The following ICA1 variants were observed in gnomAD, a reference collection of about 807,000 sequenced individuals.
ICA1 encodes islet cell autoantigen 1, also known as 69 kDa islet cell autoantigen.
In ICA1, 40 loss-of-function variants were observed where a neutral mutation model predicts 71.0. That is an observed-to-expected ratio of 0.56 (90% CI 0.44 to 0.73). The LOEUF (loss-of-function observed/expected upper bound fraction) is 0.73, where lower values mean the gene tolerates loss of function less well. Among genes scored for constraint, ICA1 ranks in the 30% least tolerant of loss-of-function variants. The pLI is 0.00. For missense variants in ICA1, 578 were observed against 576.5 expected (o/e 1.00, Z -0.03); for synonymous variants, 207 against 209.5 (o/e 0.99, Z 0.10).
At chr7:8,186,919 T>C (rs1784094587) in intron 6 of ICA1, among the ~76,000 whole-genome samples, 1 of 152,254 alleles carries the variant, frequency 6.6e-6, no homozygotes, top group African/African-American at 2.4e-5. Flanking sequence ...CAGGCTATTA[T>C]CTTGTTTTGC....
At chr7:8,114,434 T>C (rs1784142693) in intron 13 of ICA1, among the ~76,000 whole-genome samples, 1 of 152,232 alleles carries the variant, frequency 6.6e-6, no homozygotes, top group African/African-American at 2.4e-5. Flanking sequence ...CACTGTCTGC[T>C]GGAGGAATCT....
intron 8 of ICA1, among the ~76,000 whole-genome samples, chr7:8,148,758 G>GA (rs1200193265): frequency 6.6e-6 from 1 of 151,902 alleles, no homozygotes; most frequent in Non-Finnish European, 1.5e-5. Flanking sequence ...ATATAGCAAG[G>GA]AAAAAAACAA....
intron 5 of ICA1, chr7:8,218,940 C>G (rs1796207045): frequency 3.9e-6 from 1 of 254,736 alleles, no homozygotes; most frequent in Non-Finnish European, 7.7e-6. Context: ...CTCCAAAGGC[C>G]AAGGCATCTG....
chr7:8,120,623 C>T (rs1230482002), intron 13 of ICA1, among the ~76,000 whole-genome samples: 5 of 152,146 alleles, frequency 3.3e-5, no homozygotes, highest in African/African-American at 1.2e-4. Context: ...GGGGTGGTGA[C>T]GAGTGAGCAA....
intron 6 of ICA1, among the ~76,000 whole-genome samples, chr7:8,214,166 T>A (rs1162540668): frequency 1.3e-5 from 2 of 152,230 alleles, no homozygotes; most frequent in East Asian, 3.8e-4. Context: ...ACACAGCTTT[T>A]ATCCCATTTA....
chr7:8,155,471 C>A (rs896888245), intron 8 of ICA1, among the ~76,000 whole-genome samples: 2 of 152,194 alleles, frequency 1.3e-5, no homozygotes, highest in Non-Finnish European at 2.9e-5. Flanking sequence ...TGGGTTCTTC[C>A]ATGCTTGTGG....
intron 12 of ICA1, among the ~76,000 whole-genome samples, chr7:8,135,765 T>C (rs1218481921): frequency 6.6e-6 from 1 of 152,230 alleles, no homozygotes; most frequent in Non-Finnish European, 1.5e-5. Flanking sequence ...TTATTTAGAA[T>C]ATAGACAATT....
intron 6 of ICA1, among the ~76,000 whole-genome samples, chr7:8,204,876 T>C (rs950296533): frequency 1.3e-4 from 20 of 152,128 alleles, no homozygotes; most frequent in African/African-American, 3.9e-4. Flanking sequence ...TTAGCTGACA[T>C]TGCAGAACAG....
At chr7:8,201,188 T>C (rs1481634762) in intron 6 of ICA1, among the ~76,000 whole-genome samples, 1 of 152,316 alleles carries the variant, frequency 6.6e-6, no homozygotes, top group African/African-American at 2.4e-5. Flanking sequence ...CTCTGGATTG[T>C]TGCAGGAGAA....
At chr7:8,261,776 TGCCGGTGCTCCCAGCGCTGGG>T (rs1317965827) in intron 1 of ICA1, among the ~76,000 whole-genome samples, 1 of 151,776 alleles carries the variant, frequency 6.6e-6, no homozygotes, top group Non-Finnish European at 1.5e-5. Flanking sequence ...CTGGCATGGG[TGCCGGTGCTCCCAGCGCTGGG>T]GCCGGAGCGC....
Position 8,128,021 on chromosome 7 carries a change from C to G in ICA1, c.1182G>C (p.Trp394Cys), listed in dbSNP as rs1368244235. The change falls in exon 13 of 14, where the codon TGG becomes TGC. Residue 394 changes from tryptophan (W) to cysteine (C), a missense_variant. By Grantham distance (215) the Trp-to-Cys change is radical. Coordinates refer to ENST00000402384, the MANE Select transcript of ICA1 (RefSeq NM_001136020.3). The part of the protein sequence containing the change: ...SLEEGEFSKE[W>C]AAVFGDGQVK... ...CTTGGCCGTCTCCAAACACAGCGGC[C>G]CACTCTTTGCTGAACTCGCCCTCTT... 3 of 1,614,048 alleles carry G rather than the reference C, an allele frequency of 1.9e-6. No homozygotes were observed. The highest frequency in any genetic ancestry group is 2.5e-6 in the Non-Finnish European group (3 of 1,180,040).
chr7:8,148,318 C>T (rs909943799), intron 8 of ICA1, among the ~76,000 whole-genome samples: 1 of 152,274 alleles, frequency 6.6e-6, no homozygotes, highest in South Asian at 2.1e-4. Context: ...TTCACCAACG[C>T]TTATTCCTTA....
chr7:8,227,669 C>T, intron 4 of ICA1: 1 of 418,358 alleles, frequency 2.4e-6, no homozygotes, highest in Admixed American at 2.7e-5. Context: ...CACAACGGCT[C>T]ATTATAGGTC....
At chr7:8,125,057 G>A (rs1788635827) in intron 13 of ICA1, among the ~76,000 whole-genome samples, 2 of 152,170 alleles carry the variant, frequency 1.3e-5, no homozygotes, top group Admixed American at 6.5e-5. Context: ...CTAAAGTGCT[G>A]GGATTACAGG....
chr7:8,207,161 A>G (rs1054125886), intron 6 of ICA1, among the ~76,000 whole-genome samples: 4 of 152,240 alleles, frequency 2.6e-5, no homozygotes, highest in Non-Finnish European at 4.4e-5. Context: ...GTTGTCTCAG[A>G]GTCACAGCTG....
intron 1 of ICA1, among the ~76,000 whole-genome samples, chr7:8,252,403 C>T (rs1259643169): frequency 1.3e-5 from 2 of 152,110 alleles, no homozygotes; most frequent in Non-Finnish European, 2.9e-5. Flanking sequence ...ACTTGGAAGG[C>T]TCTTACAAAT....
intron 1 of ICA1, among the ~76,000 whole-genome samples, chr7:8,244,460 G>A (rs910360015): frequency 6.6e-6 from 1 of 152,038 alleles, no homozygotes; most frequent in Non-Finnish European, 1.5e-5. Context: ...AAACCCTAGA[G>A]GAAAACCTAG....
At chr7:8,249,407 G>C (rs897739014) in intron 1 of ICA1, among the ~76,000 whole-genome samples, 4 of 152,208 alleles carry the variant, frequency 2.6e-5, no homozygotes, top group South Asian at 2.1e-4. Flanking sequence ...TTAAAGACAC[G>C]CAACAGGGGA....
intron 6 of ICA1, among the ~76,000 whole-genome samples, chr7:8,163,045 T>C (rs117619938): frequency 6.4e-4 from 98 of 152,354 alleles, no homozygotes; most frequent in Middle Eastern, 3.4e-3. Flanking sequence ...ATTACAGCTA[T>C]GAGCCACTGC....
Sources: gnomAD v4.1 joint callset for allele counts (sites outside exome capture counted in the v4.1 genomes callset) on GRCh38, gnomAD v4.1.1 for gene constraint, MANE v1.5 for transcripts, NCBI Gene and HGNC (gene_info 2026-07-23, HGNC 2026-07-21) for gene names.